AKAP6: variants seen among roughly 807,000 people sequenced by gnomAD.
AKAP6 encodes A-kinase anchor protein 6.
AKAP6 carries 58 observed loss-of-function variants against 188.5 expected under a neutral mutation model. The observed-to-expected ratio is 0.31, with a 90% CI of 0.25 to 0.38. AKAP6 has a LOEUF of 0.38. AKAP6 is among the 10% of genes least tolerant of loss of function. AKAP6 has a pLI of 1.00. For missense variants in AKAP6, 2,710 were observed against 2,740.0 expected, an observed-to-expected ratio of 0.99 and a Z score of 0.24; for synonymous variants, 989 against 998.6, an observed-to-expected ratio of 0.99 and a Z score of 0.18.
At chr14:32,388,742 A>T (rs565815395) in intron 1 of AKAP6, among the ~76,000 whole-genome samples, 4 of 152,236 alleles carry the variant, frequency 2.6e-5, no homozygotes, top group South Asian at 4.2e-4. Context: ...CAATTTTATT[A>T]AATTTATTGA....
intron 1 of AKAP6, among the ~76,000 whole-genome samples, chr14:32,334,057 G>A (rs1403966084): frequency 1.3e-5 from 2 of 152,056 alleles, no homozygotes; most frequent in Admixed American, 6.6e-5. Flanking sequence ...AGCATTTCTC[G>A]AAACAATCAT....
intron 12 of AKAP6, among the ~76,000 whole-genome samples, chr14:32,821,120 T>C (rs2034507988): frequency 6.6e-6 from 1 of 152,248 alleles, no homozygotes; most frequent in Non-Finnish European, 1.5e-5. Context: ...GATGAATCAA[T>C]AGGAAATGGC....
intron 2 of AKAP6, among the ~76,000 whole-genome samples, chr14:32,475,818 C>T (rs1027420621): frequency 1.3e-5 from 2 of 151,742 alleles, no homozygotes; most frequent in Admixed American, 6.6e-5. Context: ...GCTGGGACTA[C>T]AGGCGCCCGC....
At chr14:32,739,904 TGG>T (rs1226646056) in intron 11 of AKAP6, among the ~76,000 whole-genome samples, 1 of 152,136 alleles carries the variant, frequency 6.6e-6, no homozygotes, top group Non-Finnish European at 1.5e-5. Context: ...GTGGGATTGT[TGG>T]ATCATATGGT....
At chr14:32,801,221 CTTT>C (rs1222602885) in intron 12 of AKAP6, among the ~76,000 whole-genome samples, 2 of 151,662 alleles carry the variant, frequency 1.3e-5, no homozygotes, top group African/African-American at 4.8e-5. Flanking sequence ...TTTTTTCCTT[CTTT>C]TTCTGCTTTT....
intron 2 of AKAP6, among the ~76,000 whole-genome samples, chr14:32,515,604 C>A (rs928807367): frequency 5.9e-5 from 9 of 152,106 alleles, no homozygotes; most frequent in South Asian, 2.1e-4. Context: ...ACCCATCTAG[C>A]ACTGTCTTTA....
At chr14:32,563,373 G>A (rs1356131547) in intron 4 of AKAP6, among the ~76,000 whole-genome samples, 1 of 152,144 alleles carries the variant, frequency 6.6e-6, no homozygotes, top group African/African-American at 2.4e-5. Context: ...GCCACAGAGA[G>A]TCATGATTAA....
chr14:32,752,144 G>A (rs2032162881), intron 11 of AKAP6, among the ~76,000 whole-genome samples: 1 of 152,148 alleles, frequency 6.6e-6, no homozygotes, highest in African/African-American at 2.4e-5. Flanking sequence ...AAACCAAAGG[G>A]AAATTGTAGA....
chr14:32,396,046 GTA>G (rs568013360), intron 1 of AKAP6, among the ~76,000 whole-genome samples: 4 of 151,548 alleles, frequency 2.6e-5, no homozygotes, highest in East Asian at 1.9e-4. Context: ...GCTATAATGT[GTA>G]TATATATATA....
intron 7 of AKAP6, among the ~76,000 whole-genome samples, chr14:32,653,118 C>T (rs1265764925): frequency 1.3e-5 from 2 of 152,114 alleles, no homozygotes; most frequent in Non-Finnish European, 2.9e-5. Context: ...CTTTGCATGT[C>T]ATAACATTTA....
intron 4 of AKAP6, among the ~76,000 whole-genome samples, chr14:32,574,505 A>G (rs1166696034): frequency 6.6e-6 from 1 of 152,188 alleles, no homozygotes; most frequent in Non-Finnish European, 1.5e-5. Flanking sequence ...ACTAACTTTT[A>G]TGATGAAGCA....
Position 32,835,570 on chromosome 14 carries a change from TCA to T in AKAP6, c.*5768_*5769del, listed in dbSNP as rs1595000358. 1 of 152,196 alleles carries T rather than the reference TCA, an allele frequency of 6.6e-6. No homozygotes were observed. 9.4% of individuals were successfully genotyped at this position (152,196 alleles called of 1,614,324 possible). On this transcript the variant is annotated 3_prime_UTR_variant, in exon 14 of 14. Transcript: ENST00000280979. ...TCCGAGGAATTAAATTCAGGCCATT[TCA>T]CAGTCAGTTTTTTTCAAATTCATTT...
intron 1 of AKAP6, among the ~76,000 whole-genome samples, chr14:32,413,174 AATTTTTTTTTTTTTT>A (rs1188041839): frequency 7.6e-6 from 1 of 131,168 alleles, no homozygotes; most frequent in African/African-American, 2.9e-5. Flanking sequence ...TATTTATTGA[AATTTTTTTTTTTTTT>A]TTTTTTTTTT....
intron 7 of AKAP6, among the ~76,000 whole-genome samples, chr14:32,615,099 G>A (rs548494118): frequency 1.8e-4 from 26 of 143,084 alleles, no homozygotes; most frequent in African/African-American, 6.5e-4. Flanking sequence ...AATCCAGGCA[G>A]CAGAGGTTGC....
chr14:32,766,366 A>G (rs2032719838), intron 11 of AKAP6, among the ~76,000 whole-genome samples: 1 of 152,074 alleles, frequency 6.6e-6, no homozygotes, highest in Non-Finnish European at 1.5e-5. Flanking sequence ...TCTCTTGGGT[A>G]TATATTCAAA....
intron 2 of AKAP6, among the ~76,000 whole-genome samples, chr14:32,526,542 C>CA (rs568935899): frequency 7.4e-4 from 113 of 152,142 alleles, no homozygotes; most frequent in Middle Eastern, 3.4e-3. Flanking sequence ...CCCAGGCTTG[C>CA]ATACTTTTTG....
At chr14:32,678,113 T>C (rs1889510077) in intron 7 of AKAP6, among the ~76,000 whole-genome samples, 198 bp from the exon 8 acceptor site, 1 of 152,206 alleles carries the variant, frequency 6.6e-6, no homozygotes, top group Non-Finnish European at 1.5e-5. Context: ...TTTATTCAGG[T>C]CATATTTTAA....
chr14:32,454,653 CTCTCTCCTTCCCTCCT>C (rs1555330001), intron 2 of AKAP6, among the ~76,000 whole-genome samples: 2 of 69,964 alleles, frequency 2.9e-5, no homozygotes, highest in African/African-American at 4.2e-4. Flanking sequence ...CCCTCCTTCC[CTCTCTCCTTCCCTCCT>C]TCCCTCCTTC....
chr14:32,668,836 G>A (rs1286035379), intron 7 of AKAP6, among the ~76,000 whole-genome samples: 1 of 152,006 alleles, frequency 6.6e-6, no homozygotes, highest in Non-Finnish European at 1.5e-5. Flanking sequence ...AACCTACAAA[G>A]ATTAGTATAT....
Sources: gnomAD v4.1 joint callset for allele counts (sites outside exome capture counted in the v4.1 genomes callset) on GRCh38, gnomAD v4.1.1 for gene constraint, MANE v1.5 for transcripts, NCBI Gene and HGNC (gene_info 2026-07-23, HGNC 2026-07-21) for gene names.